The following STX7 variants were observed in gnomAD, a reference collection of about 807,000 sequenced individuals.
STX7 encodes the protein syntaxin 7, also known as syntaxin-7.
STX7 carries 34 observed loss-of-function variants against 39.6 expected under a neutral mutation model. The ratio of observed to expected loss-of-function variants is 0.86; its 90% CI spans 0.65 to 1.14. The LOEUF is 1.14. STX7 is among the 50% of genes most tolerant of loss of function. The probability of loss-of-function intolerance (pLI) is 0.00; values close to 1 mark genes in which losing one functional copy is unlikely to be tolerated. For missense variants in STX7, 284 were observed against 310.4 expected, an observed-to-expected ratio of 0.92 and a Z score of 0.64; for synonymous variants, 119 against 99.1, an observed-to-expected ratio of 1.20 and a Z score of -1.19.
intron 2 of STX7, among the ~76,000 whole-genome samples, chr6:132,477,613 T>C (rs910763234): frequency 3.3e-5 from 5 of 152,278 alleles, no homozygotes; most frequent in South Asian, 2.1e-4. Context: ...ATCTTATACA[T>C]GATCTTGGAG....
rs1382320786 is a variant in STX7, at chr6:132,455,546, A to G, written c.*5212T>C. On this transcript the variant is annotated 3_prime_UTR_variant, in exon 10 of 10. Transcript: ENST00000367941. The stretch of plus-strand genomic sequence containing the variant: ...GGTGTTGTGCGTGTAACGACTGGAC[A>G]GGAAATCTGGTTTTGCCTTCCACCA... 6.6e-6 allele frequency: 1 copy of G among 152,232 alleles called. No individual in the cohort carries two copies. Among genetic ancestry groups the G allele is most frequent in the Non-Finnish European group, 1.5e-5 (1 of 68,032 alleles). The allele number at this position is 152,232 out of a possible 1,614,324, so 9.4% of individuals were successfully genotyped here. A position where few individuals can be genotyped will look rare whatever the true frequency, so the allele number is the denominator to read the frequency against.
rs1378139093 is a variant in STX7, at chr6:132,475,589, T to G, written c.155+4A>C. ...CTCTTTTATTTATTTAACTAGATAC[T>G]TACAACTGTTGCCTCAATTCAGGTG... On this transcript the variant is annotated splice_donor_region_variant and intron_variant, in intron 3 of 9. Transcript: ENST00000367941. 6.3e-7 allele frequency: 1 copy of G among 1,595,230 alleles called. No individual in the cohort carries two copies. The highest frequency in any genetic ancestry group is 8.5e-7 in the Non-Finnish European group (1 of 1,169,886).
intron 3 of STX7, among the ~76,000 whole-genome samples, chr6:132,473,947 A>C (rs1393507394): frequency 1.3e-5 from 2 of 152,052 alleles, no homozygotes; most frequent in Non-Finnish European, 2.9e-5. Context: ...AGAAGACCTT[A>C]GGCTGGACAT....
intron 2 of STX7, among the ~76,000 whole-genome samples, chr6:132,486,147 G>A (rs1034213283): frequency 2.6e-5 from 4 of 152,108 alleles, no homozygotes; most frequent in African/African-American, 9.7e-5. Context: ...ATTTATGTCT[G>A]TGAATACAAA....
chr6:132,480,683 T>C (rs977324051), intron 2 of STX7, among the ~76,000 whole-genome samples: 5 of 152,172 alleles, frequency 3.3e-5, no homozygotes, highest in African/African-American at 1.2e-4. Context: ...GAGTACCACA[T>C]AGCCTGTGAG....
intron 1 of STX7, among the ~76,000 whole-genome samples, chr6:132,512,498 AC>A (rs747368906): frequency 1.3e-5 from 2 of 152,224 alleles, no homozygotes; most frequent in East Asian, 1.9e-4. Context: ...AAAAAACAAT[AC>A]TACGATCCTC....
intron 7 of STX7, 119 bp downstream of exon 7, chr6:132,469,832 G>A (rs1300702791): frequency 1.1e-5 from 8 of 723,814 alleles, no homozygotes; most frequent in Non-Finnish European, 1.7e-5. Flanking sequence ...GAGGGAGACT[G>A]TCTCAAAAAG....
In STX7 at chr6:132,471,605, AG is replaced by A; in HGVS notation, c.250-6del. 1 of 1,606,552 alleles carries A rather than the reference AG, an allele frequency of 6.2e-7. No individual in the cohort carries two copies. Among genetic ancestry groups the A allele is most frequent in the Non-Finnish European group, 8.5e-7 (1 of 1,177,938 alleles). Reference sequence around the variant, plus strand: ...CTTCTGTATTTTCCTTTGACGCTAGAGGAAAGAGAAGAAAAAGCCAACTAGA... The same window carrying A: ...CTTCTGTATTTTCCTTTGACGCTAGAGAAAGAGAAGAAAAAGCCAACTAGA... On this transcript the variant is annotated splice_polypyrimidine_tract_variant and splice_region_variant and intron_variant, in intron 4 of 9. Transcript: ENST00000367941.
chr6:132,511,071 G>T (rs183904858), intron 1 of STX7, among the ~76,000 whole-genome samples: 72 of 152,264 alleles, frequency 4.7e-4, no homozygotes, highest in Non-Finnish European at 8.8e-4. Context: ...CTGAGGGGTG[G>T]GGGGTGAGCA....
In STX7 at chr6:132,482,086, G is replaced by A. The variant is rs549291591; in HGVS notation, c.86-6424C>T. On this transcript the variant is annotated intron_variant, in intron 2 of 9. Transcript: ENST00000367941. Reference sequence around the variant, plus strand: ...GTTGACCCTCAATGAATAGTTTTATGAGTGAACCATAAAAAGAATACTGGG... The same window carrying A: ...GTTGACCCTCAATGAATAGTTTTATAAGTGAACCATAAAAAGAATACTGGG... 1.4e-3 allele frequency among the ~76,000 whole-genome samples: 217 copies of A among 152,216 alleles called. 1 individual carries two copies. The highest frequency in any genetic ancestry group is 5.0e-3 in the African/African-American group (206 of 41,528).
At chr6:132,462,328 G>A (rs372269971) in intron 9 of STX7, among the ~76,000 whole-genome samples, 28 of 152,126 alleles carry the variant, frequency 1.8e-4, no homozygotes, top group African/African-American at 6.5e-4. Context: ...TGGCCATCTC[G>A]TCCCGCTTCG....
At chr6:132,473,668 T>TA (rs1341175255) in intron 3 of STX7, among the ~76,000 whole-genome samples, 1 of 151,496 alleles carries the variant, frequency 6.6e-6, no homozygotes, top group Non-Finnish European at 1.5e-5. Flanking sequence ...AACATGACAC[T>TA]AAAAAAAAGC....
chr6:132,505,652 C>G (rs1775679273), intron 1 of STX7, among the ~76,000 whole-genome samples: 1 of 140,030 alleles, frequency 7.1e-6, no homozygotes, highest in Admixed American at 7.8e-5. Context: ...CCAGACAGAA[C>G]AAGAGTAGAC....
chr6:132,480,655 A>G (rs1257340318), intron 2 of STX7, among the ~76,000 whole-genome samples: 1 of 152,212 alleles, frequency 6.6e-6, no homozygotes, highest in Non-Finnish European at 1.5e-5. Context: ...TAATACTGCC[A>G]TCTTCACTCA....
At chr6:132,461,932 C>G (rs934788348) in intron 9 of STX7, 1 of 1,343,060 alleles carries the variant, frequency 7.4e-7, no homozygotes, top group African/African-American at 1.5e-5. Context: ...TAAAAAGATA[C>G]ATTTCTGAGT....
intron 2 of STX7, among the ~76,000 whole-genome samples, chr6:132,488,158 A>T (rs1775187502): frequency 6.6e-6 from 1 of 152,152 alleles, no homozygotes; most frequent in Non-Finnish European, 1.5e-5. Flanking sequence ...CTTATTTGAA[A>T]TGTGTTTGGT....
chr6:132,475,832 C>T (rs1774860965), intron 2 of STX7, among the ~76,000 whole-genome samples, 170 bp from the exon 3 acceptor site: 1 of 152,024 alleles, frequency 6.6e-6, no homozygotes, highest in Non-Finnish European at 1.5e-5. Context: ...TTACTTAAAT[C>T]TAATTAGTAA....
chr6:132,461,788 C>A, intron 9 of STX7: 1 of 1,497,484 alleles, frequency 6.7e-7, no homozygotes, highest in Admixed American at 2.1e-5. Context: ...TTGTTCCGTT[C>A]TTCATTCCTG....
At chr6:132,474,266 G>A (rs990057379) in intron 3 of STX7, among the ~76,000 whole-genome samples, 8 of 146,898 alleles carry the variant, frequency 5.4e-5, no homozygotes, top group Admixed American at 1.4e-4. Context: ...TAGTGACTAC[G>A]GATATATATT....
Sources: gnomAD v4.1 joint callset for allele counts (sites outside exome capture counted in the v4.1 genomes callset) on GRCh38, gnomAD v4.1.1 for gene constraint, MANE v1.5 for transcripts, NCBI Gene and HGNC (gene_info 2026-07-23, HGNC 2026-07-21) for gene names.